NECAB1: variants seen among roughly 807,000 people sequenced by gnomAD.
The protein encoded by NECAB1 is N-terminal EF-hand calcium-binding protein 1.
A neutral mutation model predicts 57.5 loss-of-function variants in NECAB1; 29 were observed. That is an observed-to-expected ratio of 0.50 (90% CI 0.38 to 0.69). The LOEUF (loss-of-function observed/expected upper bound fraction) is 0.69. NECAB1 is among the 30% of genes least tolerant of loss of function. The probability of loss-of-function intolerance (pLI) is 0.00; values close to 1 mark genes in which losing one functional copy is unlikely to be tolerated. For missense variants in NECAB1, 372 were observed against 413.8 expected (o/e 0.90, Z 0.88); for synonymous variants, 142 against 147.7 (o/e 0.96, Z 0.28).
intron 2 of NECAB1, among the ~76,000 whole-genome samples, chr8:90,816,600 G>A (rs1294164105): frequency 2.6e-5 from 4 of 151,734 alleles, no homozygotes; most frequent in African/African-American, 9.7e-5. Context: ...TTTCTTCATT[G>A]AAGTGCCTTT....
intron 1 of NECAB1, among the ~76,000 whole-genome samples, chr8:90,794,157 ACTTTT>A (rs1811621971): frequency 6.6e-6 from 1 of 152,232 alleles, no homozygotes; most frequent in Admixed American, 6.5e-5. Flanking sequence ...TTTTGTTTAC[ACTTTT>A]CTTTGAGTTA....
intron 5 of NECAB1, among the ~76,000 whole-genome samples, chr8:90,903,456 GAGT>G (rs1809557209): frequency 6.6e-6 from 1 of 152,056 alleles, no homozygotes. Flanking sequence ...AAAGTCAGTA[GAGT>G]TTTAAGGTAG....
At chr8:90,794,670 T>A (rs1036715137) in intron 1 of NECAB1, among the ~76,000 whole-genome samples, 1 of 152,168 alleles carries the variant, frequency 6.6e-6, no homozygotes, top group Non-Finnish European at 1.5e-5. Context: ...CCTCTCCAAA[T>A]CAGCAATAGT....
At chr8:90,796,814 G>A (rs549911335) in intron 1 of NECAB1, among the ~76,000 whole-genome samples, 22 of 152,176 alleles carry the variant, frequency 1.4e-4, no homozygotes, top group Non-Finnish European at 2.6e-4. Flanking sequence ...ATTTGCAGCA[G>A]AGACAGTTCT....
chr8:90,863,577 C>A (rs916478048), intron 3 of NECAB1, among the ~76,000 whole-genome samples: 1 of 152,024 alleles, frequency 6.6e-6, no homozygotes, highest in African/African-American at 2.4e-5. Flanking sequence ...TTTGGTGGAA[C>A]CCCCTTATTA....
intron 5 of NECAB1, among the ~76,000 whole-genome samples, chr8:90,893,599 C>T (rs928532943): frequency 6.6e-6 from 1 of 152,096 alleles, no homozygotes; most frequent in Non-Finnish European, 1.5e-5. Flanking sequence ...TACACATCCC[C>T]AGACTGTTTC....
chr8:90,946,324 T>C (rs778547431), intron 10 of NECAB1, among the ~76,000 whole-genome samples: 1 of 152,198 alleles, frequency 6.6e-6, no homozygotes, highest in African/African-American at 2.4e-5. Context: ...GAGTGCAGCT[T>C]TTGGAGGCAA....
At chr8:90,938,750 A>AT (rs1810600854) in intron 9 of NECAB1, among the ~76,000 whole-genome samples, 1 of 152,112 alleles carries the variant, frequency 6.6e-6, no homozygotes, top group Admixed American at 6.6e-5. Context: ...CGAGAGCTCA[A>AT]TTTTTCCAAC....
At position 90,863,512 on chromosome 8, in the gene NECAB1, TTTTGTATAC is replaced by T. The variant is rs548113525; in HGVS notation, c.234-8613_234-8605del. Among the ~76,000 whole-genome samples, 440 of 152,314 alleles carry T rather than the reference TTTTGTATAC, an allele frequency of 2.9e-3. 1 individual carries two copies. Among genetic ancestry groups the T allele is most frequent in the Non-Finnish European group, 5.0e-3 (337 of 68,014 alleles). On this transcript the variant is annotated intron_variant, in intron 3 of 12. Coordinates refer to ENST00000417640, the MANE Select transcript of NECAB1 (RefSeq NM_022351.5). ...TTAAGTTAGGACAATTTTCTGATGCTTTTGTATACTTACAAAAATATGTGCATGAGTTTT... is the reference window on the plus strand; with the variant it reads ...TTAAGTTAGGACAATTTTCTGATGCTTTACAAAAATATGTGCATGAGTTTT...
At chr8:90,917,378 C>A in intron 5 of NECAB1, 114 bp from the exon 6 acceptor site, 1 of 855,976 alleles carries the variant, frequency 1.2e-6, no homozygotes, top group Non-Finnish European at 1.6e-6. Flanking sequence ...TTCTCTCCAC[C>A]CTCTCTCTCT....
At chr8:90,855,993 G>A (rs1812786260) in intron 3 of NECAB1, among the ~76,000 whole-genome samples, 1 of 152,050 alleles carries the variant, frequency 6.6e-6, no homozygotes, top group African/African-American at 2.4e-5. Flanking sequence ...CAAGTGATAG[G>A]GAGTCCGGGG....
chr8:90,958,120 T>C lies in NECAB1; in HGVS notation c.*2608T>C, dbSNP rs1165809920. ...TTTTTTTAAACAGTAACATCCAGAGTGACAAATTGCAGGAGATTTAATGTA... is the reference window on the plus strand; with the variant it reads ...TTTTTTTAAACAGTAACATCCAGAGCGACAAATTGCAGGAGATTTAATGTA... On this transcript the variant is annotated 3_prime_UTR_variant, in exon 13 of 13. Transcript: ENST00000417640. The C allele has an allele frequency of 6.9e-6, 1 of 145,852 alleles. No individual in the cohort carries two copies. Among genetic ancestry groups the C allele is most frequent in the Non-Finnish European group, 1.5e-5 (1 of 66,332 alleles). The allele number at this position is 145,852 out of a possible 1,614,324, so 9.0% of individuals were successfully genotyped here.
intron 5 of NECAB1, among the ~76,000 whole-genome samples, chr8:90,902,944 G>A (rs1187593823): frequency 6.6e-6 from 1 of 151,856 alleles, no homozygotes; most frequent in Non-Finnish European, 1.5e-5. Flanking sequence ...AGAAAAATTA[G>A]ACAACTATCT....
chr8:90,893,415 C>T (rs747522319), intron 5 of NECAB1, among the ~76,000 whole-genome samples: 6 of 152,066 alleles, frequency 3.9e-5, no homozygotes, highest in Non-Finnish European at 7.4e-5. Context: ...AAATATATAT[C>T]GGCTCCCAGG....
At chr8:90,805,364 C>T (rs1049022881) in intron 2 of NECAB1, among the ~76,000 whole-genome samples, 1 of 151,074 alleles carries the variant, frequency 6.6e-6, no homozygotes, top group Non-Finnish European at 1.5e-5. Context: ...TATAATTGTT[C>T]GCCTGCCCAG....
intron 10 of NECAB1, among the ~76,000 whole-genome samples, chr8:90,947,306 ACACACACACACAC>A (rs1563545958): frequency 0.01 from 977 of 95,596 alleles, 24 homozygotes; most frequent in East Asian, 0.028. Flanking sequence ...CAACACATAC[ACACACACACACAC>A]ACACACACAC....
intron 10 of NECAB1, among the ~76,000 whole-genome samples, chr8:90,948,544 A>C (rs1229572253): frequency 3.9e-5 from 6 of 152,180 alleles, no homozygotes; most frequent in Admixed American, 3.9e-4. Flanking sequence ...CTTACTGTTA[A>C]GTTTACTGGT....
At chr8:90,892,612 A>G (rs998278287) in intron 5 of NECAB1, among the ~76,000 whole-genome samples, 1 of 151,918 alleles carries the variant, frequency 6.6e-6, no homozygotes, top group Admixed American at 6.6e-5. Context: ...TCAGTCACCT[A>G]CTCCTAATGA....
chr8:90,947,597 C>T (rs1015004271), intron 10 of NECAB1, among the ~76,000 whole-genome samples: 1 of 152,110 alleles, frequency 6.6e-6, no homozygotes, highest in African/African-American at 2.4e-5. Context: ...GACAGGGTTT[C>T]ACCATGTTGG....
Sources: gnomAD v4.1 joint callset for allele counts (sites outside exome capture counted in the v4.1 genomes callset) on GRCh38, gnomAD v4.1.1 for gene constraint, MANE v1.5 for transcripts, NCBI Gene and HGNC (gene_info 2026-07-23, HGNC 2026-07-21) for gene names.